SPEN: variants seen among roughly 807,000 people sequenced by gnomAD.
SPEN encodes msx2-interacting protein.
In SPEN, 18 loss-of-function variants were observed where a neutral mutation model predicts 269.9. That is an observed-to-expected ratio of 0.07 (90% confidence interval 0.05 to 0.10). The LOEUF (loss-of-function observed/expected upper bound fraction) is 0.10, where lower values mean the gene tolerates loss of function less well. Ranked by LOEUF, SPEN falls within the 10% of genes least tolerant of loss-of-function variation. The pLI is 1.00. For synonymous variants in SPEN, 1,726 were observed against 1,765.7 expected, an observed-to-expected ratio of 0.98 and a Z score of 0.56; for missense variants, 3,822 against 4,631.2, an observed-to-expected ratio of 0.83 and a Z score of 5.07.
chr1:15,890,016 A>G (rs1279750080), intron 3 of SPEN, among the ~76,000 whole-genome samples: 1 of 151,866 alleles, frequency 6.6e-6, no homozygotes, highest in Non-Finnish European at 1.5e-5. Flanking sequence ...CACCCGGCCT[A>G]TAGAACATCT....
chr1:15,929,770 G>T lies in SPEN; in HGVS notation c.3530G>T (p.Arg1177Leu). The T allele has an allele frequency of 6.2e-7, 1 of 1,614,138 alleles. No individual in the cohort carries two copies. Among genetic ancestry groups the T allele is most frequent in the Middle Eastern group, 1.6e-4 (1 of 6,062 alleles). ...TACCGAAAACAAATGGAACAGAGTC[G>T]TAGGAAACAGCAGATGGAAATGGAA... The part of the protein sequence containing the change: ...QSYRKQMEQS[R>L]RKQQMEMEIA... Residue 1177 changes from arginine to leucine, a missense_variant, in exon 11 of 15, where the codon CGT becomes CTT. Transcript: ENST00000375759. The surrounding 1 kb of genome is among the most constrained non-coding windows in gnomAD (Gnocchi z 5.8).
rs138432235 is a variant in SPEN, at chr1:15,936,174, C to T, written c.9934C>T (p.Arg3312Cys). 5.7e-5 allele frequency: 91 copies of T among 1,605,468 alleles called. No homozygotes were observed. The highest frequency in any genetic ancestry group is 7.1e-5 in the Non-Finnish European group (83 of 1,173,664). ...LFQEYRYGDI[R>C]TYHPPAQLTH... ...TCAAGAGTACCGGTACGGCGACATCCGCACCTACCACCCCCCGGCCCAGCT... is the reference window on the plus strand; with the variant it reads ...TCAAGAGTACCGGTACGGCGACATCTGCACCTACCACCCCCCGGCCCAGCT... The change falls in exon 11 of 15, where the codon CGC becomes TGC. Residue 3312 changes from arginine (R) to cysteine (C), a missense_variant. Around this residue, in one of 16 missense-constraint regions of SPEN, gnomAD observed 359 missense variants for 377.3 expected, o/e 0.95. Coordinates refer to ENST00000375759, the MANE Select transcript of SPEN (RefSeq NM_015001.3).
chr1:15,849,197 C>A (rs2070308348), intron 1 of SPEN, among the ~76,000 whole-genome samples: 1 of 152,148 alleles, frequency 6.6e-6, no homozygotes, highest in South Asian at 2.1e-4. Context: ...TGTGGTTGTC[C>A]TCGAAAATGA....
chr1:15,883,151 C>T (rs2070703411), intron 3 of SPEN, among the ~76,000 whole-genome samples: 1 of 152,126 alleles, frequency 6.6e-6, no homozygotes, highest in Non-Finnish European at 1.5e-5. Context: ...ATAGTTGTTA[C>T]ATTATTAAAA....
At chr1:15,852,518 C>T (rs771017542) in intron 1 of SPEN, among the ~76,000 whole-genome samples, 4 of 151,980 alleles carry the variant, frequency 2.6e-5, no homozygotes, top group Non-Finnish European at 5.9e-5. Context: ...GGTTTTATTT[C>T]CCAAAAGGAA....
At chr1:15,908,760 A>AT (rs2070985101) in intron 3 of SPEN, among the ~76,000 whole-genome samples, 1 of 152,110 alleles carries the variant, frequency 6.6e-6, no homozygotes, top group African/African-American at 2.4e-5. Context: ...TATTATAATT[A>AT]TTTTCATTTT....
chr1:15,929,022 G>C lies in SPEN; in HGVS notation c.2782G>C (p.Asp928His), dbSNP rs774247921. 6.2e-7 allele frequency: 1 copy of C among 1,614,184 alleles called. No homozygotes were observed. Among genetic ancestry groups the C allele is most frequent in the Non-Finnish European group, 8.5e-7 (1 of 1,180,042 alleles). Reference sequence around the variant, plus strand: ...CTCTCAGACGGAGCCTGCAAAATCTGACTTGTCTAAACTGGAATCAGTTAG... The same window carrying C: ...CTCTCAGACGGAGCCTGCAAAATCTCACTTGTCTAAACTGGAATCAGTTAG... ...QVSQTEPAKS[D>H]LSKLESVRMK... The change falls in exon 11 of 15, where the codon GAC becomes CAC. Residue 928 changes from aspartate to histidine, a missense_variant. By Grantham distance (81) the Asp-to-His change is moderately conservative (BLOSUM62 -1). Around this residue, in one of 16 missense-constraint regions of SPEN, gnomAD observed 572 missense variants for 582.6 expected, o/e 0.98. Coordinates refer to ENST00000375759, the MANE Select transcript of SPEN (RefSeq NM_015001.3). This position sits in a 1 kb window ranked among gnomAD's most constrained non-coding sequence, Gnocchi z 5.8.
intron 1 of SPEN, among the ~76,000 whole-genome samples, chr1:15,859,140 G>GT (rs34623941): frequency 0.2 from 26,536 of 135,576 alleles, 3,338 homozygotes; most frequent in South Asian, 0.29. Context: ...TTCTTTTTTA[G>GT]TTTTTTTTTT....
rs772866760 is a variant in SPEN, at chr1:15,930,436, A to G, written c.4196A>G (p.Tyr1399Cys). Reference protein sequence around the residue: ...KSHSPRASALYESSRLSFLLR... With the variant: ...KSHSPRASALCESSRLSFLLR... ...CACTCACCCAGAGCCTCTGCATTAT[A>G]TGAAAGTTCTCGATTGTCTTTTTTA... Residue 1399 changes from tyrosine (Y) to cysteine (C), a missense_variant, in exon 11 of 15, where the codon TAT becomes TGT. Around this residue, in one of 16 missense-constraint regions of SPEN, gnomAD observed 267 missense variants for 315.5 expected, o/e 0.85. Coordinates refer to ENST00000375759, the MANE Select transcript of SPEN (RefSeq NM_015001.3). This position sits in a 1 kb window ranked among gnomAD's most constrained non-coding sequence, Gnocchi z 5.3. 5 of 1,614,198 alleles carry G rather than the reference A, an allele frequency of 3.1e-6. No individual in the cohort carries two copies. The highest frequency in any genetic ancestry group is 2.2e-5 in the East Asian group (1 of 44,884).
intron 1 of SPEN, among the ~76,000 whole-genome samples, chr1:15,862,223 T>C (rs1018550689): frequency 1.3e-5 from 2 of 152,208 alleles, no homozygotes; most frequent in African/African-American, 4.8e-5. Context: ...TTTTTCTTAA[T>C]CTAAGTGCTT....
intron 1 of SPEN, among the ~76,000 whole-genome samples, chr1:15,871,054 C>T (rs555730385): frequency 6.0e-5 from 9 of 149,688 alleles, no homozygotes; most frequent in Admixed American, 2.7e-4. Context: ...GCGTCCTCAC[C>T]GCCTCCTGGG....
chr1:15,899,835 A>AT (rs2070883057), intron 3 of SPEN, among the ~76,000 whole-genome samples: 1 of 151,314 alleles, frequency 6.6e-6, no homozygotes, highest in South Asian at 2.1e-4. Context: ...TTGTTGTTTT[A>AT]TTTTTTTATT....
At chr1:15,871,206 G>A (rs906097100) in intron 1 of SPEN, among the ~76,000 whole-genome samples, 1 of 152,094 alleles carries the variant, frequency 6.6e-6, no homozygotes, top group African/African-American at 2.4e-5. Context: ...CTGACCTCAT[G>A]GTCTGCCTGC....
At chr1:15,851,129 T>A (rs2070331674) in intron 1 of SPEN, among the ~76,000 whole-genome samples, 1 of 152,212 alleles carries the variant, frequency 6.6e-6, no homozygotes, top group African/African-American at 2.4e-5. Flanking sequence ...TATTTATTTT[T>A]AAATTTACAT....
rs1440308433 is a variant in SPEN, at chr1:15,848,692, G to C, written c.83+542G>C. Among the ~76,000 whole-genome samples, 1 of 152,246 alleles carries C rather than the reference G, an allele frequency of 6.6e-6. No homozygotes were observed. The highest frequency in any genetic ancestry group is 2.4e-5 in the African/African-American group (1 of 41,474). On this transcript the variant is annotated intron_variant, in intron 1 of 14. Transcript: ENST00000375759. This position sits in a 1 kb window ranked among gnomAD's most constrained non-coding sequence, Gnocchi z 5.1. ...ACTGTGGTCGCGTCGCGGACCCGGA[G>C]AGACCATCTAGGACCTCTCCGGAGG...
Position 15,932,385 on chromosome 1 carries a change from G to A in SPEN, c.6145G>A (p.Gly2049Ser). Residue 2049 changes from glycine (G) to serine (S), a missense_variant, in exon 11 of 15, where the codon GGC (glycine) becomes AGC (serine). Gly to Ser is a moderately conservative substitution (Grantham distance 56). Coordinates refer to ENST00000375759, the MANE Select transcript of SPEN (RefSeq NM_015001.3). The surrounding 1 kb of genome is among the most constrained non-coding windows in gnomAD (Gnocchi z 4.2). ...SEQKRDRKDA[G>S]TDKNPPETAP... ...ACAGAAACGTGACAGAAAAGATGCT[G>A]GCACAGACAAAAACCCCCCTGAAAC... 3 of 1,614,068 alleles carry A rather than the reference G, an allele frequency of 1.9e-6. No homozygotes were observed. Among genetic ancestry groups the A allele is most frequent in the Non-Finnish European group, 2.5e-6 (3 of 1,180,010 alleles).
chr1:15,871,559 G>T (rs1407392433), intron 1 of SPEN, among the ~76,000 whole-genome samples: 1 of 152,002 alleles, frequency 6.6e-6, no homozygotes, highest in Non-Finnish European at 1.5e-5. Context: ...CTCCCAAAGT[G>T]CTGGGATTAC....
intron 3 of SPEN, among the ~76,000 whole-genome samples, chr1:15,890,420 C>CT (rs2070777184): frequency 6.6e-6 from 1 of 151,572 alleles, no homozygotes; most frequent in African/African-American, 2.4e-5. Flanking sequence ...TTAGTAGAGA[C>CT]TGAGTTTCAC....
In SPEN at chr1:15,848,164, G is replaced by C; in HGVS notation, c.83+14G>C. 6.9e-7 allele frequency: 1 copy of C among 1,448,368 alleles called. No homozygotes were observed. The highest frequency in any genetic ancestry group is 9.2e-7 in the Non-Finnish European group (1 of 1,085,942). The allele number at this position is 1,448,368 out of a possible 1,614,324, so 89.7% of individuals were successfully genotyped here. A position where few individuals can be genotyped will look rare whatever the true frequency, so the allele number is the denominator to read the frequency against. Reference sequence around the variant, plus strand: ...GCATTTCAAACGGTGAGTGACACGAGGCCCGCGGCCGCGCTCGCTCCTCGG... The same window carrying C: ...GCATTTCAAACGGTGAGTGACACGACGCCCGCGGCCGCGCTCGCTCCTCGG... On this transcript the variant is annotated intron_variant, in intron 1 of 14. Transcript: ENST00000375759. The surrounding 1 kb of genome is among the most constrained non-coding windows in gnomAD (Gnocchi z 5.1).
Sources: allele counts gnomAD v4.1 joint callset (sites outside exome capture counted in the v4.1 genomes callset), GRCh38; gene constraint gnomAD v4.1.1; regional missense constraint gnomAD v4.1.1; non-coding constraint Gnocchi (gnomAD v3.1); transcripts MANE v1.5; gene names NCBI Gene and HGNC (gene_info 2026-07-23, HGNC 2026-07-21).